MARCHF1: variants seen among roughly 807,000 people sequenced by gnomAD.
MARCHF1 encodes the protein membrane associated ring-CH-type finger 1, also known as E3 ubiquitin-protein ligase MARCHF1.
In MARCHF1, 40 loss-of-function variants were observed where a neutral mutation model predicts 54.2. The observed-to-expected ratio is 0.74, with a 90% CI of 0.57 to 0.96. The LOEUF (loss-of-function observed/expected upper bound fraction) is 0.96. Ranked by LOEUF, MARCHF1 falls within the 40% of genes least tolerant of loss-of-function variation. The pLI is 0.00. For synonymous variants in MARCHF1, 236 were observed against 236.3 expected (o/e 1.00, Z 0.01); for missense variants, 586 against 656.5 (o/e 0.89, Z 1.17).
At chr4:163,929,327 AT>A (rs1445502939) in intron 3 of MARCHF1, among the ~76,000 whole-genome samples, 2 of 152,036 alleles carry the variant, frequency 1.3e-5, no homozygotes, top group East Asian at 3.9e-4. Flanking sequence ...GCCTCATAGA[AT>A]TATTATAGGC....
chr4:163,815,879 A>C (rs1275928264), intron 4 of MARCHF1, among the ~76,000 whole-genome samples: 1 of 152,216 alleles, frequency 6.6e-6, no homozygotes, highest in Non-Finnish European at 1.5e-5. Context: ...AAATGAACAT[A>C]AAAATAGCAT....
intron 1 of MARCHF1, among the ~76,000 whole-genome samples, chr4:164,122,519 C>A (rs2915259): frequency 6.6e-6 from 1 of 151,760 alleles, no homozygotes; most frequent in Admixed American, 6.6e-5. Flanking sequence ...CCAGCCTTCC[C>A]GCATGCTATG....
chr4:164,206,560 T>C (rs551600647), intron 1 of MARCHF1, among the ~76,000 whole-genome samples: 14 of 152,250 alleles, frequency 9.2e-5, no homozygotes, highest in African/African-American at 3.1e-4. Flanking sequence ...AAACACAAAT[T>C]AAAAGAAGCT....
rs548404548 is a variant in MARCHF1 at position 164,371,284 on chromosome 4, C to T, written c.-323+12586G>A. Reference sequence around the variant, plus strand: ...TCCAACTGGGCCAAAGACCATAATGCTAAACATGTTAAAGCTTTAGTAGAA... The same window carrying T: ...TCCAACTGGGCCAAAGACCATAATGTTAAACATGTTAAAGCTTTAGTAGAA... On this transcript the variant is annotated intron_variant, in intron 1 of 9. Coordinates refer to ENST00000514618, the MANE Select transcript of MARCHF1 (RefSeq NM_001394959.1). 1.4e-4 allele frequency among the ~76,000 whole-genome samples: 21 copies of T among 152,246 alleles called. No homozygotes were observed. The South Asian group carries it at 3.9e-3, about 29-fold the overall frequency.
At chr4:164,234,531 G>C (rs190972587) in intron 1 of MARCHF1, among the ~76,000 whole-genome samples, 5 of 152,024 alleles carry the variant, frequency 3.3e-5, no homozygotes, top group Admixed American at 3.3e-4. Context: ...CAGCCTACTT[G>C]TTCCCTTTTT....
chr4:164,118,651 C>T (rs1755992340), intron 1 of MARCHF1, among the ~76,000 whole-genome samples: 1 of 151,274 alleles, frequency 6.6e-6, no homozygotes, highest in African/African-American at 2.4e-5. Context: ...ATTCTGTTCT[C>T]AATACAGGAG....
intron 1 of MARCHF1, among the ~76,000 whole-genome samples, chr4:164,274,086 C>A (rs1243175806): frequency 6.6e-6 from 1 of 151,692 alleles, no homozygotes; most frequent in East Asian, 1.9e-4. Flanking sequence ...ATGTCTCCGG[C>A]AATAAATCAC....
intron 9 of MARCHF1, among the ~76,000 whole-genome samples, chr4:163,532,718 A>G (rs1425180793): frequency 1.3e-5 from 2 of 152,036 alleles, no homozygotes; most frequent in South Asian, 2.1e-4. Flanking sequence ...AATGAGCAAA[A>G]GATTTGAACA....
intron 5 of MARCHF1, among the ~76,000 whole-genome samples, chr4:163,684,923 T>A (rs1160078335): frequency 5.9e-5 from 9 of 152,266 alleles, no homozygotes; most frequent in Non-Finnish European, 1.0e-4. Context: ...TTCATAAATG[T>A]ATCTTGTTTC....
intron 1 of MARCHF1, among the ~76,000 whole-genome samples, chr4:164,175,614 T>C (rs2110990986): frequency 6.6e-6 from 1 of 152,340 alleles, no homozygotes; most frequent in East Asian, 1.9e-4. Flanking sequence ...GTAAAGCAGA[T>C]TACCCTCTGT....
At chr4:164,197,489 C>A (rs1731309467) in intron 1 of MARCHF1, 2 of 1,613,564 alleles carry the variant, frequency 1.2e-6, no homozygotes, top group Non-Finnish European at 1.7e-6. Context: ...ACTTCCAGGC[C>A]CCCTGAGACT....
chr4:164,265,634 C>G (rs908033078), intron 1 of MARCHF1, among the ~76,000 whole-genome samples: 10 of 151,984 alleles, frequency 6.6e-5, no homozygotes, highest in African/African-American at 2.4e-4. Flanking sequence ...CTTAGCATGG[C>G]CTACAAGGCC....
chr4:164,235,925 G>T (rs896391333), intron 1 of MARCHF1, among the ~76,000 whole-genome samples: 8 of 151,992 alleles, frequency 5.3e-5, no homozygotes, highest in African/African-American at 1.9e-4. Flanking sequence ...AAGTTCTTTT[G>T]GCCTCCTCTC....
chr4:164,318,412 G>A (rs765735612), intron 1 of MARCHF1, among the ~76,000 whole-genome samples: 4 of 152,066 alleles, frequency 2.6e-5, no homozygotes, highest in African/African-American at 4.8e-5. Flanking sequence ...TCTGTAAAAC[G>A]TTCATACTGC....
At chr4:163,821,389 A>G (rs1748688366) in intron 4 of MARCHF1, among the ~76,000 whole-genome samples, 1 of 152,026 alleles carries the variant, frequency 6.6e-6, no homozygotes, top group South Asian at 2.1e-4. Context: ...ATCAATAACC[A>G]TGTATGGTTA....
intron 4 of MARCHF1, among the ~76,000 whole-genome samples, chr4:163,841,156 T>G (rs1749326009): frequency 6.6e-6 from 1 of 152,100 alleles, no homozygotes; most frequent in African/African-American, 2.4e-5. Context: ...AGAGGATTTT[T>G]GGGGCAGTGA....
chr4:163,932,849 T>C (rs185188533), intron 3 of MARCHF1: 20 of 627,830 alleles, frequency 3.2e-5, no homozygotes, highest in African/African-American at 2.4e-4. Context: ...ATGCAACTAA[T>C]CCAGAGAGTG....
chr4:163,797,656 T>A (rs138493699), intron 4 of MARCHF1, among the ~76,000 whole-genome samples: 28 of 152,294 alleles, frequency 1.8e-4, no homozygotes, highest in African/African-American at 6.5e-4. Context: ...GCATTTAATC[T>A]GTTCTTTAAC....
At chr4:163,531,710 T>A (rs895970559) in intron 9 of MARCHF1, among the ~76,000 whole-genome samples, 12 of 151,918 alleles carry the variant, frequency 7.9e-5, no homozygotes, top group South Asian at 2.1e-4. Flanking sequence ...GTTTTTTTTT[T>A]AAATAGGTGA....
Sources: gnomAD v4.1 joint callset for allele counts (sites outside exome capture counted in the v4.1 genomes callset) on GRCh38, gnomAD v4.1.1 for gene constraint, MANE v1.5 for transcripts, NCBI Gene and HGNC (gene_info 2026-07-23, HGNC 2026-07-21) for gene names.